Variants in RALGPS1 observed in about 807,000 individuals in gnomAD.
RALGPS1 encodes the protein ras-specific guanine nucleotide-releasing factor RalGPS1.
In RALGPS1, 19 loss-of-function variants were observed where a neutral mutation model predicts 78.8. That is an observed-to-expected ratio of 0.24 (90% CI 0.17 to 0.35). The LOEUF is 0.35. RALGPS1 is among the 10% of genes least tolerant of loss of function. RALGPS1 has a pLI of 1.00. For synonymous variants in RALGPS1, 228 were observed against 256.3 expected, an observed-to-expected ratio of 0.89 and a Z score of 1.06; for missense variants, 454 against 688.3, an observed-to-expected ratio of 0.66 and a Z score of 3.81.
chr9:127,067,698 C>T (rs2049838776), intron 7 of RALGPS1, among the ~76,000 whole-genome samples: 1 of 152,186 alleles, frequency 6.6e-6, no homozygotes, highest in African/African-American at 2.4e-5. Flanking sequence ...AAGAACTTGG[C>T]CAAAGGGACT....
chr9:126,927,690 T>C (rs2035420457), intron 1 of RALGPS1, among the ~76,000 whole-genome samples: 1 of 152,084 alleles, frequency 6.6e-6, no homozygotes, highest in Non-Finnish European at 1.5e-5. Flanking sequence ...CCTCATGCCT[T>C]CTATTGCTGG....
intron 8 of RALGPS1, among the ~76,000 whole-genome samples, chr9:127,104,074 A>T (rs2053993038): frequency 6.6e-6 from 1 of 152,182 alleles, no homozygotes; most frequent in Admixed American, 6.5e-5. Flanking sequence ...AGGCCATGCT[A>T]GGGGATCTGA....
chr9:127,019,771 G>A (rs1414702144), intron 4 of RALGPS1, among the ~76,000 whole-genome samples: 5 of 152,112 alleles, frequency 3.3e-5, no homozygotes, highest in African/African-American at 9.7e-5. Context: ...GGGTGCATGT[G>A]CAGGGCGTGC....
intron 18 of RALGPS1, among the ~76,000 whole-genome samples, chr9:127,215,750 C>T (rs1346510247): frequency 6.6e-6 from 1 of 152,224 alleles, no homozygotes; most frequent in East Asian, 1.9e-4. Flanking sequence ...CCCTCAGCAG[C>T]AGATGGGGGC....
intron 8 of RALGPS1, chr9:127,108,063 C>T: frequency 6.2e-7 from 1 of 1,610,878 alleles, no homozygotes; most frequent in Non-Finnish European, 8.5e-7. Flanking sequence ...GTTGGTAGAC[C>T]CGGGGCGGGG....
intron 14 of RALGPS1, among the ~76,000 whole-genome samples, chr9:127,202,944 AG>A (rs1471238125): frequency 6.6e-6 from 1 of 152,070 alleles, no homozygotes; most frequent in Admixed American, 6.5e-5. Flanking sequence ...CCTGGAGAGG[AG>A]GGCTGTGGGC....
At chr9:127,191,763 T>C (rs1444567340) in intron 11 of RALGPS1, among the ~76,000 whole-genome samples, 1 of 146,808 alleles carries the variant, frequency 6.8e-6, no homozygotes, top group Non-Finnish European at 1.5e-5. Flanking sequence ...AGTGGCACGA[T>C]CTCGGCTCAC....
chr9:127,168,827 T>C, intron 10 of RALGPS1, 55 bp downstream of exon 10: 1 of 1,439,134 alleles, frequency 6.9e-7, no homozygotes, highest in Non-Finnish European at 9.8e-7. Context: ...TTGTCCTTAG[T>C]GCTCAGGTCC....
At chr9:127,009,520 A>G (rs147862826) in intron 4 of RALGPS1, among the ~76,000 whole-genome samples, 3 of 152,308 alleles carry the variant, frequency 2.0e-5, no homozygotes, top group Non-Finnish European at 4.4e-5. Context: ...TTCATTATTA[A>G]TGGTCACGGA....
At chr9:127,094,143 T>C (rs181312824) in intron 8 of RALGPS1, among the ~76,000 whole-genome samples, 1 of 152,250 alleles carries the variant, frequency 6.6e-6, no homozygotes. Context: ...CCAAGCTCAC[T>C]TTCTCCTCTC....
chr9:127,182,156 A>G (rs923582223), intron 11 of RALGPS1, among the ~76,000 whole-genome samples: 1 of 147,158 alleles, frequency 6.8e-6, no homozygotes, highest in Non-Finnish European at 1.5e-5. Flanking sequence ...GGCCTGAGCA[A>G]TATGGCAAAA....
intron 8 of RALGPS1, among the ~76,000 whole-genome samples, chr9:127,154,351 G>T (rs975952756): frequency 6.6e-6 from 1 of 152,226 alleles, no homozygotes; most frequent in Non-Finnish European, 1.5e-5. Context: ...AGTAGGAGGA[G>T]CCCCTGCCCA....
chr9:127,030,910 C>G (rs1178080158), intron 4 of RALGPS1, among the ~76,000 whole-genome samples: 1 of 152,162 alleles, frequency 6.6e-6, no homozygotes, highest in Non-Finnish European at 1.5e-5. Flanking sequence ...CCCTGATGAG[C>G]CTGAGGAACA....
In RALGPS1 at chr9:126,935,866, T is replaced by C. The variant is rs543256035; in HGVS notation, c.-66+20891T>C. On this transcript the variant is annotated intron_variant, in intron 1 of 18. Transcript: ENST00000259351. ...GCTCTAGAAGTGGAGCTCTCTCCAC[T>C]GTCTGATTAGAGTTGGATTCCATTA... Among the ~76,000 whole-genome samples the C allele has an allele frequency of 3.3e-5, 5 of 152,346 alleles. No individual in the cohort carries two copies. The East Asian group carries it at 9.6e-4, about 29-fold the overall frequency.
intron 8 of RALGPS1, among the ~76,000 whole-genome samples, chr9:127,078,028 C>T (rs149781763): frequency 6.6e-6 from 1 of 152,316 alleles, no homozygotes; most frequent in East Asian, 1.9e-4. Context: ...CCTCCCCACC[C>T]CCAGCCCAGG....
chr9:127,090,110 C>T (rs895432677), intron 8 of RALGPS1, among the ~76,000 whole-genome samples: 4 of 152,182 alleles, frequency 2.6e-5, no homozygotes, highest in Non-Finnish European at 1.5e-5. Flanking sequence ...TGATTCCAGG[C>T]CACAGGGACC....
intron 8 of RALGPS1, among the ~76,000 whole-genome samples, chr9:127,160,659 C>T (rs763173346): frequency 6.6e-6 from 1 of 152,194 alleles, no homozygotes. Flanking sequence ...GGTCCTCACA[C>T]CCCCAACTCT....
intron 14 of RALGPS1, among the ~76,000 whole-genome samples, chr9:127,200,293 G>C (rs1378197907): frequency 1.3e-5 from 2 of 152,264 alleles, no homozygotes; most frequent in Non-Finnish European, 2.9e-5. Flanking sequence ...CAGTGCTCTT[G>C]GTTGAGCATG....
At chr9:127,142,844 G>A (rs1264479140) in intron 8 of RALGPS1, among the ~76,000 whole-genome samples, 1 of 152,072 alleles carries the variant, frequency 6.6e-6, no homozygotes, top group Non-Finnish European at 1.5e-5. Flanking sequence ...TGGTTATGTT[G>A]CTACTCTGAT....
Sources: allele counts gnomAD v4.1 joint callset (sites outside exome capture counted in the v4.1 genomes callset), GRCh38; gene constraint gnomAD v4.1.1; transcripts MANE v1.5; gene names NCBI Gene and HGNC (gene_info 2026-07-23, HGNC 2026-07-21).